The following SULF2 variants were observed in gnomAD, a reference collection of about 807,000 sequenced individuals.
SULF2 encodes extracellular sulfatase Sulf-2.
In SULF2, 52 loss-of-function variants were observed where a neutral mutation model predicts 107.7. The observed-to-expected ratio is 0.48, with a 90% confidence interval of 0.39 to 0.61. SULF2 has a LOEUF of 0.61. SULF2 is among the 20% of genes least tolerant of loss of function. The pLI is 0.00. For missense variants in SULF2, 993 were observed against 1,177.3 expected, an observed-to-expected ratio of 0.84 and a Z score of 2.29; for synonymous variants, 460 against 464.3, an observed-to-expected ratio of 0.99 and a Z score of 0.12.
At chr20:47,762,098 T>C (rs1050766266) in intron 1 of SULF2, among the ~76,000 whole-genome samples, 2 of 152,256 alleles carry the variant, frequency 1.3e-5, no homozygotes, top group Non-Finnish European at 2.9e-5. Context: ...TAAATCTTTT[T>C]CTTTTAAATT....
intron 1 of SULF2, among the ~76,000 whole-genome samples, chr20:47,771,188 C>T (rs1434415563): frequency 6.6e-6 from 1 of 152,124 alleles, no homozygotes; most frequent in Admixed American, 6.5e-5. Flanking sequence ...CGTTTGTGCT[C>T]ACGTCCATTT....
intron 3 of SULF2, among the ~76,000 whole-genome samples, chr20:47,713,287 G>A (rs1448912791): frequency 5.9e-5 from 9 of 152,076 alleles, no homozygotes; most frequent in Non-Finnish European, 8.8e-5. Flanking sequence ...GGCATCTATC[G>A]GGCAGAGGCC....
At chr20:47,786,409 C>T (rs2090932554), upstream of SULF2, 1 of 152,184 alleles carries the variant, frequency 6.6e-6, no homozygotes, top group Non-Finnish European at 1.5e-5. Flanking sequence ...TCACAGGACT[C>T]GCCCCGGTCT....
At chr20:47,777,610 ATG>A (rs2090748457) in intron 1 of SULF2, among the ~76,000 whole-genome samples, 1 of 152,238 alleles carries the variant, frequency 6.6e-6, no homozygotes, top group South Asian at 2.1e-4. Context: ...TCAGTCAGAA[ATG>A]TGATTCCTCA....
chr20:47,757,753 A>G lies in SULF2; in HGVS notation c.-100-290T>C, dbSNP rs891004084. 2.6e-5 allele frequency among the ~76,000 whole-genome samples: 4 copies of G among 152,194 alleles called. No individual in the cohort carries two copies. The East Asian group carries it at 7.7e-4, about 29-fold the overall frequency. ...TGGCAGCCCAAGACCCGAGTCAGAT[A>G]ACAGCCGTCTCTGAATAATCCACCC... is the stretch of plus-strand genomic sequence containing the variant. On this transcript the variant is annotated intron_variant, in intron 1 of 20. Transcript: ENST00000688720.
At chr20:47,669,420 C>T (rs546557854) in intron 11 of SULF2, among the ~76,000 whole-genome samples, 60 of 152,242 alleles carry the variant, frequency 3.9e-4, no homozygotes, top group African/African-American at 1.3e-3. Flanking sequence ...GATGTTTTGC[C>T]GCATCCATAG....
intron 13 of SULF2, among the ~76,000 whole-genome samples, chr20:47,665,519 A>G (rs1321121261): frequency 6.6e-6 from 1 of 152,068 alleles, no homozygotes; most frequent in Non-Finnish European, 1.5e-5. Flanking sequence ...GAACCGAGTC[A>G]TTTTTCCGGC....
intron 20 of SULF2, among the ~76,000 whole-genome samples, chr20:47,658,779 A>G (rs1466226793): frequency 6.6e-6 from 1 of 152,246 alleles, no homozygotes; most frequent in Non-Finnish European, 1.5e-5. Flanking sequence ...GCAGTTCACC[A>G]AGGGCGATAA....
chr20:47,666,755 G>A lies in SULF2; in HGVS notation c.1577-267C>T, dbSNP rs910323239. Among the ~76,000 whole-genome samples, 2 of 152,338 alleles carry A rather than the reference G, an allele frequency of 1.3e-5. No homozygotes were observed. Among genetic ancestry groups the A allele is most frequent in the South Asian group, 4.1e-4 (2 of 4,834 alleles). On this transcript the variant is annotated intron_variant, in intron 11 of 20. Coordinates refer to ENST00000688720, the MANE Select transcript of SULF2 (RefSeq NM_001387048.1). This position sits in a 1 kb window ranked among gnomAD's most constrained non-coding sequence, Gnocchi z 5.4. ...AGGATTTCAAGCGAGAGCTGCTTGCGGGTAAACAAATGGCGGTACATCATC... is the reference window on the plus strand; with the variant it reads ...AGGATTTCAAGCGAGAGCTGCTTGCAGGTAAACAAATGGCGGTACATCATC...
Position 47,672,383 on chromosome 20 carries a change from C to CACTGCCACTTCTGAAAG in SULF2, c.1381-7_1390dup (p.Cys464SerfsTer15). 6.2e-7 allele frequency: 1 copy of CACTGCCACTTCTGAAAG among 1,608,806 alleles called. No individual in the cohort carries two copies. ...CAGCTTCCCCGTGGCGTCCTCCACACACTGCCACTTCTGAAAGACATGCCA... is the reference window on the plus strand; with the variant it reads ...CAGCTTCCCCGTGGCGTCCTCCACACACTGCCACTTCTGAAAGACTGCCACTTCTGAAAGACATGCCA... On this transcript the variant is annotated frameshift_variant, in exon 11 of 21. Transcript: ENST00000688720. LOFTEE classifies it high-confidence loss of function.
At chr20:47,784,847 C>A (rs1291478289) in intron 1 of SULF2, among the ~76,000 whole-genome samples, 1 of 152,218 alleles carries the variant, frequency 6.6e-6, no homozygotes, top group African/African-American at 2.4e-5. Context: ...CCTTTTCGAT[C>A]CTGTTTGTCC....
At chr20:47,661,943 C>G (rs758596012) in intron 17 of SULF2, 47 bp from the exon 18 acceptor site, 4 of 1,443,850 alleles carry the variant, frequency 2.8e-6, no homozygotes, top group African/African-American at 2.8e-5. Flanking sequence ...TACAGGGACT[C>G]TCGCCCTGCC....
intron 3 of SULF2, among the ~76,000 whole-genome samples, chr20:47,716,614 G>A (rs1312717179): frequency 6.6e-6 from 1 of 152,176 alleles, no homozygotes; most frequent in Non-Finnish European, 1.5e-5. Context: ...TTGTTTACTG[G>A]AAGGCAGCAG....
At position 47,715,927 on chromosome 20, in the gene SULF2, T is replaced by C. The variant is rs560754337; in HGVS notation, c.416-13257A>G. Reference sequence around the variant, plus strand: ...TCATCCGGTGCACACCCTCTGTGAGTGGAGGAGTGGGTAGAATTGTTAAAT... The same window carrying C: ...TCATCCGGTGCACACCCTCTGTGAGCGGAGGAGTGGGTAGAATTGTTAAAT... On this transcript the variant is annotated intron_variant, in intron 3 of 20. Transcript: ENST00000688720. Among the ~76,000 whole-genome samples, 3 of 152,272 alleles carry C rather than the reference T, an allele frequency of 2.0e-5. No individual in the cohort carries two copies. In the South Asian group the frequency reaches 6.2e-4, roughly 32 times the overall value.
At chr20:47,753,835 A>G (rs1258187093) in intron 2 of SULF2, among the ~76,000 whole-genome samples, 1 of 152,198 alleles carries the variant, frequency 6.6e-6, no homozygotes, top group Non-Finnish European at 1.5e-5. Flanking sequence ...GAGCCCAAAG[A>G]TTCTACTGCC....
chr20:47,782,814 G>A (rs533402078), intron 1 of SULF2, among the ~76,000 whole-genome samples: 26 of 152,244 alleles, frequency 1.7e-4, no homozygotes, highest in African/African-American at 4.1e-4. Flanking sequence ...ATACAAACCC[G>A]GACTCTCTGT....
chr20:47,713,773 A>C (rs1568848541), intron 3 of SULF2, among the ~76,000 whole-genome samples: 3 of 152,180 alleles, frequency 2.0e-5, no homozygotes, highest in African/African-American at 4.8e-5. Context: ...ATAATAAAAA[A>C]CAAAAAAACA....
intron 20 of SULF2, 127 bp from the exon 21 acceptor site, chr20:47,658,519 T>A: frequency 9.6e-7 from 1 of 1,042,464 alleles, no homozygotes; most frequent in East Asian, 2.4e-5. Context: ...CTAGGTTACT[T>A]AGAACGGGAT....
intron 2 of SULF2, among the ~76,000 whole-genome samples, chr20:47,753,160 G>A (rs75583301): frequency 0.063 from 9,589 of 151,356 alleles, 382 homozygotes; most frequent in East Asian, 0.16. Context: ...ATGCAGTCTC[G>A]TGGGGCACAC....
Sources: gnomAD v4.1 joint callset for allele counts (sites outside exome capture counted in the v4.1 genomes callset) on GRCh38, gnomAD v4.1.1 for gene constraint, Gnocchi (gnomAD v3.1) non-coding constraint, MANE v1.5 for transcripts, NCBI Gene and HGNC (gene_info 2026-07-23, HGNC 2026-07-21) for gene names.